The following EIF2AK4 variants were observed in gnomAD, a reference collection of about 807,000 sequenced individuals.
The protein encoded by EIF2AK4 is eIF-2-alpha kinase GCN2.
Under a neutral mutation model 211.1 loss-of-function variants are expected in EIF2AK4, and 139 were observed. The observed-to-expected ratio is 0.66, with a 90% CI of 0.57 to 0.76. The LOEUF (loss-of-function observed/expected upper bound fraction) is 0.76. Ranked by LOEUF, EIF2AK4 falls within the 30% of genes least tolerant of loss-of-function variation. The pLI is 0.00. For missense variants in EIF2AK4, 1,664 were observed against 2,043.8 expected (o/e 0.81, Z 3.58); for synonymous variants, 710 against 751.3 (o/e 0.94, Z 0.90).
intron 6 of EIF2AK4, among the ~76,000 whole-genome samples, chr15:39,957,806 C>T (rs1453517004): frequency 6.6e-6 from 1 of 152,198 alleles, no homozygotes; most frequent in Non-Finnish European, 1.5e-5. Flanking sequence ...GTAGGGTCTA[C>T]AGCCTCTTTA....
intron 7 of EIF2AK4, among the ~76,000 whole-genome samples, 181 bp from the exon 8 acceptor site, chr15:39,965,505 G>T (rs2034531394): frequency 6.6e-6 from 1 of 151,998 alleles, no homozygotes; most frequent in African/African-American, 2.4e-5. Context: ...TTAGGACTCA[G>T]GTATATTGCT....
chr15:40,019,328 T>TA (rs1257196727), intron 30 of EIF2AK4, 128 bp downstream of exon 30: 21 of 634,900 alleles, frequency 3.3e-5, no homozygotes, highest in South Asian at 6.9e-5. Flanking sequence ...TTTTGAAACT[T>TA]ACCTTTAATA....
At chr15:39,970,943 T>TA (rs1311638195) in intron 9 of EIF2AK4, among the ~76,000 whole-genome samples, 1 of 152,112 alleles carries the variant, frequency 6.6e-6, no homozygotes, top group Non-Finnish European at 1.5e-5. Flanking sequence ...TGCTGCAACA[T>TA]AAAAAAAAGT....
At chr15:39,934,715 A>G (rs2034038346) in intron 1 of EIF2AK4, among the ~76,000 whole-genome samples, 1 of 152,040 alleles carries the variant, frequency 6.6e-6, no homozygotes, top group South Asian at 2.1e-4. Flanking sequence ...GCCCCTTGCT[A>G]CTTTGTTCTG....
In EIF2AK4 at chr15:39,935,499, T is replaced by G. The variant is rs372597756; in HGVS notation, c.144+1160T>G. ...CACATGCCACTACACCTGGTTAATT[T>G]TTTTAATTTTTTGTAGAGACAGAGT... On this transcript the variant is annotated intron_variant, in intron 1 of 38. Transcript: ENST00000263791. Among the ~76,000 whole-genome samples, 8 of 152,170 alleles carry G rather than the reference T, an allele frequency of 5.3e-5. No individual in the cohort carries two copies. In the East Asian group the frequency reaches 1.2e-3, roughly 22 times the overall value.
Position 39,967,782 on chromosome 15 carries a change from C to T in EIF2AK4, c.1456C>T (p.Leu486Phe). Residue 486 changes from leucine (L) to phenylalanine (F), a missense_variant, in exon 9 of 39, where the codon CTT (leucine) becomes TTT (phenylalanine). By Grantham distance (22) the Leu-to-Phe change is conservative. This residue lies in a region of EIF2AK4 where 641 missense variants were observed against 729.6 expected (regional missense o/e 0.88). Transcript: ENST00000263791. ...GKKGDVWRLG[L>F]LLLSLSQGQE... is the part of the protein sequence containing the mutation. ...GAAAGGAGATGTTTGGCGTCTTGGC[C>T]TTCTGCTGCTGTCCCTCAGCCAAGG... is the stretch of plus-strand genomic sequence containing the variant. 1 of 1,614,232 alleles carries T rather than the reference C, an allele frequency of 6.2e-7. No individual in the cohort carries two copies. Among genetic ancestry groups the T allele is most frequent in the Non-Finnish European group, 8.5e-7 (1 of 1,180,044 alleles).
At chr15:40,009,548 C>T in intron 25 of EIF2AK4, 66 bp from the exon 26 acceptor site, 1 of 945,378 alleles carries the variant, frequency 1.1e-6, no homozygotes, top group Non-Finnish European at 1.6e-6. Flanking sequence ...TGGTAAGTTT[C>T]CAGATTTGGT....
At position 39,934,172 on chromosome 15, in the gene EIF2AK4, C is replaced by G. The variant is rs2034026571; in HGVS notation, c.-24C>G. ...GCCCACCGCCGCCCAGGCAAGGCCGCCCTGCCTTGGGCGCAGCGCTGCCAT... is the reference window on the plus strand; with the variant it reads ...GCCCACCGCCGCCCAGGCAAGGCCGGCCTGCCTTGGGCGCAGCGCTGCCAT... On this transcript the variant is annotated 5_prime_UTR_variant, in exon 1 of 39. Transcript: ENST00000263791. 6 of 1,409,582 alleles carry G rather than the reference C, an allele frequency of 4.3e-6. No homozygotes were observed. The highest frequency in any genetic ancestry group is 5.5e-6 in the Non-Finnish European group (6 of 1,083,180). 87.3% of individuals were successfully genotyped at this position (1,409,582 alleles called of 1,614,324 possible).
chr15:39,973,740 T>C lies in EIF2AK4; in HGVS notation c.1809T>C (p.Ala603=). 1 of 1,614,150 alleles carries C rather than the reference T, an allele frequency of 6.2e-7. No individual in the cohort carries two copies. Among genetic ancestry groups the C allele is most frequent in the Non-Finnish European group, 8.5e-7 (1 of 1,179,980 alleles). The change falls in exon 11 of 39, where the codon GCT becomes GCC. Residue 603 remains alanine, a synonymous_variant. Coordinates refer to ENST00000263791, the MANE Select transcript of EIF2AK4 (RefSeq NM_001013703.4). ...TTCTTGGTAAAGGAGCTTTTGGAGC[T>C]GTCATCAAGGTGTGGTACAGAGTCA... The part of the protein sequence containing the change: ...LQLLGKGAFG[A]VIKVQNKLDG...
rs938132638 is a variant in EIF2AK4, at chr15:39,953,996, A to C, written c.594+12A>C. ...AAATGGCTAAGCAGGTACCCTATCA[A>C]CTCCACCATAATAATTTACATTTTG... is the stretch of plus-strand genomic sequence containing the variant. On this transcript the variant is annotated intron_variant, in intron 5 of 38. Transcript: ENST00000263791. 1 of 1,559,224 alleles carries C rather than the reference A, an allele frequency of 6.4e-7. No homozygotes were observed. Among genetic ancestry groups the C allele is most frequent in the East Asian group, 2.3e-5 (1 of 44,072 alleles).
intron 27 of EIF2AK4, 151 bp from the exon 28 acceptor site, chr15:40,016,351 C>A: frequency 1.1e-6 from 1 of 910,108 alleles, no homozygotes; most frequent in Non-Finnish European, 1.6e-6. Flanking sequence ...AATCCTTAGT[C>A]AGGATTGTGG....
rs577547073 is a variant in EIF2AK4, at chr15:40,009,827, G to A, written c.3693+97G>A. 9.0e-6 allele frequency: 8 copies of A among 890,102 alleles called. No homozygotes were observed. In the South Asian group the frequency reaches 1.2e-4, roughly 13 times the overall value. The allele number at this position is 890,102 out of a possible 1,614,324, so 55.1% of individuals were successfully genotyped here. ...ATGATTTTCTTACCCATGCAGCCAT[G>A]AAACTGAATTGGGAGCCTTATCTCC... is the stretch of plus-strand genomic sequence containing the variant. On this transcript the variant is annotated intron_variant, in intron 26 of 38. Transcript: ENST00000263791.
Position 39,987,975 on chromosome 15 carries a change from G to A in EIF2AK4, c.2404-8G>A, listed in dbSNP as rs1244115426. 6.2e-7 allele frequency: 1 copy of A among 1,614,026 alleles called. No homozygotes were observed. Among genetic ancestry groups the A allele is most frequent in the Non-Finnish European group, 8.5e-7 (1 of 1,179,976 alleles). ...GTAATCAAATTCTCCTGGTTTGTCT[G>A]TATATAGATGGAGTACTGTGAGAAG... On this transcript the variant is annotated splice_region_variant and splice_polypyrimidine_tract_variant and intron_variant, in intron 14 of 38. Transcript: ENST00000263791.
chr15:40,011,152 T>C (rs1260790640), intron 26 of EIF2AK4, 129 bp from the exon 27 acceptor site: 6 of 571,594 alleles, frequency 1.0e-5, no homozygotes, highest in Non-Finnish European at 1.2e-5. Context: ...CAGAATTCAA[T>C]CTATCCTGTA....
intron 33 of EIF2AK4, among the ~76,000 whole-genome samples, chr15:40,026,702 G>C (rs1210615017): frequency 6.6e-6 from 1 of 152,152 alleles, no homozygotes; most frequent in African/African-American, 2.4e-5. Context: ...TATTCAGTCT[G>C]CTAATCAGTG....
At position 39,972,173 on chromosome 15, in the gene EIF2AK4, G is replaced by A. The variant is rs1051453689; in HGVS notation, c.1554-735G>A. On this transcript the variant is annotated intron_variant, in intron 9 of 38. Coordinates refer to ENST00000263791, the MANE Select transcript of EIF2AK4 (RefSeq NM_001013703.4). ...CAGGAGTTGGAGACCAGCCTGGGCA[G>A]TGTGGTGAAACCCTATCTCTACAAA... Among the ~76,000 whole-genome samples, 42 of 151,904 alleles carry A rather than the reference G, an allele frequency of 2.8e-4. 1 individual carries two copies. The highest frequency in any genetic ancestry group is 8.7e-4 in the African/African-American group (36 of 41,346).
intron 14 of EIF2AK4, among the ~76,000 whole-genome samples, chr15:39,986,352 A>G (rs1038706306): frequency 1.3e-5 from 2 of 152,280 alleles, no homozygotes; most frequent in Non-Finnish European, 2.9e-5. Context: ...CAAGTAAGAT[A>G]TGATGTGCAC....
intron 11 of EIF2AK4, 88 bp from the exon 12 acceptor site, chr15:39,976,326 C>T (rs2034691262): frequency 5.0e-6 from 7 of 1,412,460 alleles, no homozygotes; most frequent in Middle Eastern, 2.5e-4. Flanking sequence ...TAGAACTTCA[C>T]GCTTTCCTTG....
At chr15:39,943,271 T>G in intron 2 of EIF2AK4, 112 bp from the exon 3 acceptor site, 16 of 751,054 alleles carry the variant, frequency 2.1e-5, no homozygotes, top group Non-Finnish European at 3.0e-5. Context: ...GAAGTCCCTT[T>G]GAGATTAAGG....
Sources: allele counts gnomAD v4.1 joint callset (sites outside exome capture counted in the v4.1 genomes callset), GRCh38; gene constraint gnomAD v4.1.1; regional missense constraint gnomAD v4.1.1; transcripts MANE v1.5; gene names NCBI Gene and HGNC (gene_info 2026-07-23, HGNC 2026-07-21).